CDKAL1: variants seen among roughly 807,000 people sequenced by gnomAD.
CDKAL1 encodes CDKAL1 threonylcarbamoyladenosine tRNA methylthiotransferase, also known as threonylcarbamoyladenosine tRNA methylthiotransferase.
A neutral mutation model predicts 68.2 loss-of-function variants in CDKAL1; 32 were observed. The ratio of observed to expected loss-of-function variants is 0.47; its 90% CI spans 0.35 to 0.63. The LOEUF (loss-of-function observed/expected upper bound fraction) is 0.63. Ranked by LOEUF, CDKAL1 falls within the 30% of genes least tolerant of loss-of-function variation. CDKAL1 has a pLI of 0.00. For missense variants in CDKAL1, 606 were observed against 696.7 expected, an observed-to-expected ratio of 0.87 and a Z score of 1.47; for synonymous variants, 234 against 244.3, an observed-to-expected ratio of 0.96 and a Z score of 0.39.
chr6:20,917,084 G>T (rs374367207), intron 9 of CDKAL1, among the ~76,000 whole-genome samples: 2 of 152,102 alleles, frequency 1.3e-5, no homozygotes, highest in African/African-American at 4.8e-5. Context: ...GGGTTCAAGC[G>T]ATTCTCCTGT....
At chr6:20,862,632 A>G (rs1375171779) in intron 9 of CDKAL1, among the ~76,000 whole-genome samples, 1 of 121,488 alleles carries the variant, frequency 8.2e-6, no homozygotes, top group Non-Finnish European at 1.7e-5. Flanking sequence ...TCTTCTTTCC[A>G]ACTTGTGTGT....
intron 8 of CDKAL1, among the ~76,000 whole-genome samples, chr6:20,841,622 G>T (rs190276255): frequency 1.3e-5 from 2 of 152,022 alleles, no homozygotes; most frequent in African/African-American, 4.8e-5. Context: ...AAGACTTCAG[G>T]GTTGAACTGG....
chr6:21,189,249 A>G (rs1778140580), intron 13 of CDKAL1, among the ~76,000 whole-genome samples: 1 of 152,212 alleles, frequency 6.6e-6, no homozygotes, highest in Non-Finnish European at 1.5e-5. Context: ...AAAGAAGGGA[A>G]GAATAACTTT....
intron 9 of CDKAL1, among the ~76,000 whole-genome samples, chr6:20,934,441 A>G (rs138493416): frequency 1.3e-5 from 2 of 152,268 alleles, no homozygotes; most frequent in East Asian, 1.9e-4. Flanking sequence ...GAATCAACAG[A>G]TCATTTTCTG....
intron 5 of CDKAL1, among the ~76,000 whole-genome samples, chr6:20,665,117 A>C (rs2127774400): frequency 6.6e-6 from 1 of 152,188 alleles, no homozygotes; most frequent in African/African-American, 2.4e-5. Flanking sequence ...TGGAGAGAAG[A>C]GTCCAGGACC....
intron 11 of CDKAL1, among the ~76,000 whole-genome samples, chr6:21,026,564 G>A (rs1227855615): frequency 6.6e-6 from 1 of 152,046 alleles, no homozygotes; most frequent in East Asian, 1.9e-4. Flanking sequence ...GTTTATTATT[G>A]CATTTTTGCT....
intron 15 of CDKAL1, among the ~76,000 whole-genome samples, chr6:21,228,270 G>T (rs1261156484): frequency 1.3e-5 from 2 of 152,152 alleles, no homozygotes; most frequent in Non-Finnish European, 2.9e-5. Flanking sequence ...CTGGGTGAAG[G>T]TATCTGTGAA....
chr6:20,976,823 T>G (rs1183523218), intron 10 of CDKAL1, among the ~76,000 whole-genome samples: 6 of 152,252 alleles, frequency 3.9e-5, no homozygotes, highest in Non-Finnish European at 8.8e-5. Flanking sequence ...ACGATGTTGT[T>G]GCATATTTCA....
At chr6:21,152,269 T>C (rs1161801161) in intron 13 of CDKAL1, among the ~76,000 whole-genome samples, 1 of 152,196 alleles carries the variant, frequency 6.6e-6, no homozygotes, top group Admixed American at 6.5e-5. Flanking sequence ...CCCAGTAGTC[T>C]CTGTCTTCCT....
In CDKAL1 at chr6:21,227,350, G is replaced by GTATC. The variant is rs1328425781; in HGVS notation, c.1549-3496_1549-3493dup. Among the ~76,000 whole-genome samples the GTATC allele has an allele frequency of 4.6e-5, 7 of 152,066 alleles. No homozygotes were observed. The South Asian group carries it at 1.0e-3, about 23-fold the overall frequency. ...ATATTTCTAAACTACTTTTTCTTAAGTATCTCAGTGGTAGTGACAATTGAA... is the reference window on the plus strand; with the variant it reads ...ATATTTCTAAACTACTTTTTCTTAAGTATCTATCTCAGTGGTAGTGACAATTGAA... On this transcript the variant is annotated intron_variant, in intron 15 of 15. Coordinates refer to ENST00000274695, the MANE Select transcript of CDKAL1 (RefSeq NM_017774.3).
At chr6:20,890,679 GGGAGATTCTGCGTCAGC>G (rs1426611206) in intron 9 of CDKAL1, among the ~76,000 whole-genome samples, 6 of 152,160 alleles carry the variant, frequency 3.9e-5, no homozygotes, top group East Asian at 1.9e-4. Context: ...TCTTACCCTG[GGGAGATTCTGCGTCAGC>G]GGGTCTAAGA....
chr6:20,640,295 C>T (rs539316197), intron 4 of CDKAL1, among the ~76,000 whole-genome samples: 56 of 152,290 alleles, frequency 3.7e-4, no homozygotes, highest in African/African-American at 1.2e-3. Flanking sequence ...CATGAATAGA[C>T]TCCTTTTATT....
rs531834394 is a variant in CDKAL1 at position 20,574,851 on chromosome 6, A to G, written c.286+26146A>G. Among the ~76,000 whole-genome samples the G allele has an allele frequency of 3.9e-5, 6 of 152,236 alleles. No individual in the cohort carries two copies. The South Asian group carries it at 6.2e-4, about 16-fold the overall frequency. Reference sequence around the variant, plus strand: ...AACATTTTCCATTTGGTGGTGTGTTATGTTCAAATGGTAGGTTATTTTGAA... The same window carrying G: ...AACATTTTCCATTTGGTGGTGTGTTGTGTTCAAATGGTAGGTTATTTTGAA... On this transcript the variant is annotated intron_variant, in intron 4 of 15. Coordinates refer to ENST00000274695, the MANE Select transcript of CDKAL1 (RefSeq NM_017774.3).
intron 10 of CDKAL1, among the ~76,000 whole-genome samples, chr6:20,984,901 G>A (rs1438058680): frequency 6.6e-6 from 1 of 152,072 alleles, no homozygotes; most frequent in African/African-American, 2.4e-5. Context: ...TTGGGCTGCA[G>A]TTCCAGGCTT....
chr6:21,208,433 C>T (rs1397245924), intron 15 of CDKAL1, among the ~76,000 whole-genome samples: 1 of 152,154 alleles, frequency 6.6e-6, no homozygotes, highest in Non-Finnish European at 1.5e-5. Context: ...TTTGAAAGCA[C>T]ATGAAAACTA....
chr6:21,115,788 A>AT (rs939855367), intron 13 of CDKAL1, among the ~76,000 whole-genome samples: 4 of 152,198 alleles, frequency 2.6e-5, no homozygotes, highest in Non-Finnish European at 5.9e-5. Context: ...CCTCATCCTC[A>AT]TTCTAAAGCC....
intron 12 of CDKAL1, among the ~76,000 whole-genome samples, chr6:21,076,196 T>C (rs1435946571): frequency 6.6e-6 from 1 of 152,154 alleles, no homozygotes; most frequent in Non-Finnish European, 1.5e-5. Context: ...AGATTTTCCT[T>C]GTGAGGAATT....
intron 10 of CDKAL1, among the ~76,000 whole-genome samples, chr6:20,986,449 T>C (rs566976694): frequency 1.3e-5 from 2 of 152,292 alleles, no homozygotes; most frequent in South Asian, 4.1e-4. Flanking sequence ...GCATTGCTTT[T>C]AATAGAGAAA....
chr6:20,844,371 C>T (rs184791239), intron 8 of CDKAL1, among the ~76,000 whole-genome samples: 36 of 152,116 alleles, frequency 2.4e-4, no homozygotes, highest in African/African-American at 7.5e-4. Flanking sequence ...GCGCTCAGTT[C>T]TTGTGGGAGG....
Sources: gnomAD v4.1 joint callset for allele counts (sites outside exome capture counted in the v4.1 genomes callset) on GRCh38, gnomAD v4.1.1 for gene constraint, MANE v1.5 for transcripts, NCBI Gene and HGNC (gene_info 2026-07-23, HGNC 2026-07-21) for gene names.